CADM2: variants seen among roughly 807,000 people sequenced by gnomAD.
CADM2 encodes cell adhesion molecule 2.
A neutral mutation model predicts 49.8 loss-of-function variants in CADM2; 12 were observed. The ratio of observed to expected loss-of-function variants is 0.24; its 90% CI spans 0.15 to 0.39. The LOEUF (loss-of-function observed/expected upper bound fraction) is 0.39, where lower values mean the gene tolerates loss of function less well. Ranked by LOEUF, CADM2 falls within the 10% of genes least tolerant of loss-of-function variation. CADM2 has a pLI of 1.00. For missense variants in CADM2, 378 were observed against 492.3 expected, an observed-to-expected ratio of 0.77 and a Z score of 2.20; for synonymous variants, 214 against 175.4, an observed-to-expected ratio of 1.22 and a Z score of -1.74.
chr3:85,497,349 C>G (rs2039947289), intron 1 of CADM2, among the ~76,000 whole-genome samples: 2 of 152,048 alleles, frequency 1.3e-5, no homozygotes, highest in South Asian at 4.1e-4. Flanking sequence ...GATCTTTCTC[C>G]ATTTCTTTAC....
chr3:85,464,330 A>G (rs1293764567), intron 1 of CADM2, among the ~76,000 whole-genome samples: 1 of 152,050 alleles, frequency 6.6e-6, no homozygotes, highest in Non-Finnish European at 1.5e-5. Flanking sequence ...ACCATCTTGA[A>G]CTCTTTGCTT....
At chr3:85,315,158 G>C (rs1353205964) in intron 1 of CADM2, among the ~76,000 whole-genome samples, 1 of 152,068 alleles carries the variant, frequency 6.6e-6, no homozygotes. Flanking sequence ...TGTTCTTCCA[G>C]GCCGAGTGAA....
intron 1 of CADM2, among the ~76,000 whole-genome samples, chr3:85,478,123 G>T (rs7624108): frequency 0.31 from 46,548 of 151,584 alleles, 8,129 homozygotes; most frequent in East Asian, 0.53. Flanking sequence ...TAAACCTTAC[G>T]TATATCAGTT....
At chr3:85,450,335 T>G (rs1475515373) in intron 1 of CADM2, among the ~76,000 whole-genome samples, 1 of 152,116 alleles carries the variant, frequency 6.6e-6, no homozygotes, top group East Asian at 1.9e-4. Context: ...AAAGTTTATT[T>G]ATTTCCATCT....
intron 1 of CADM2, among the ~76,000 whole-genome samples, chr3:85,035,129 T>C (rs1559627875): frequency 6.6e-6 from 1 of 152,040 alleles, no homozygotes; most frequent in Non-Finnish European, 1.5e-5. Context: ...TAAGGTAAAA[T>C]GGTATCTCGC....
chr3:85,276,222 G>A (rs572171279), intron 1 of CADM2, among the ~76,000 whole-genome samples: 4 of 151,186 alleles, frequency 2.6e-5, no homozygotes, highest in South Asian at 4.1e-4. Flanking sequence ...CTCAATATTC[G>A]ATTAACCTTG....
intron 1 of CADM2, among the ~76,000 whole-genome samples, chr3:85,654,296 A>G (rs1174598362): frequency 6.6e-6 from 1 of 152,244 alleles, no homozygotes; most frequent in Non-Finnish European, 1.5e-5. Context: ...ATGATATAAT[A>G]GTAAAAAGTT....
intron 1 of CADM2, among the ~76,000 whole-genome samples, chr3:85,509,924 C>T (rs1219604936): frequency 6.6e-6 from 1 of 151,924 alleles, no homozygotes; most frequent in African/African-American, 2.4e-5. Flanking sequence ...ATTAAAATCT[C>T]ACAGAGTGCC....
intron 7 of CADM2, among the ~76,000 whole-genome samples, chr3:85,956,154 A>G (rs1007927266): frequency 6.6e-6 from 1 of 151,518 alleles, no homozygotes; most frequent in Non-Finnish European, 1.5e-5. Context: ...TGCTATTTTC[A>G]CTGTCCTGTT....
At chr3:85,661,989 T>C (rs2065423020) in intron 1 of CADM2, among the ~76,000 whole-genome samples, 1 of 152,058 alleles carries the variant, frequency 6.6e-6, no homozygotes, top group African/African-American at 2.4e-5. Context: ...TAATTATTCA[T>C]TGTATCTGCC....
intron 8 of CADM2, among the ~76,000 whole-genome samples, chr3:86,034,502 G>C (rs1482993085): frequency 6.6e-6 from 1 of 151,958 alleles, no homozygotes; most frequent in African/African-American, 2.4e-5. Context: ...CTTGTTCTTG[G>C]ACTTTGCAGC....
At chr3:85,352,345 A>G (rs976010084) in intron 1 of CADM2, among the ~76,000 whole-genome samples, 6 of 152,162 alleles carry the variant, frequency 3.9e-5, no homozygotes, top group African/African-American at 1.4e-4. Context: ...TAACTTTAGG[A>G]GGACTATCTT....
chr3:85,803,788 A>G (rs2072225777), intron 3 of CADM2, among the ~76,000 whole-genome samples: 1 of 152,142 alleles, frequency 6.6e-6, no homozygotes, highest in African/African-American at 2.4e-5. Context: ...CTCAAAGTCT[A>G]CTATTTTAAA....
intron 5 of CADM2, among the ~76,000 whole-genome samples, chr3:85,893,392 C>T (rs977001269): frequency 6.6e-6 from 1 of 152,042 alleles, no homozygotes; most frequent in Admixed American, 6.6e-5. Context: ...CCATAAAAAC[C>T]CTAGAAGAAA....
At chr3:85,052,013 C>A (rs2035900335) in intron 1 of CADM2, among the ~76,000 whole-genome samples, 1 of 152,060 alleles carries the variant, frequency 6.6e-6, no homozygotes, top group African/African-American at 2.4e-5. Context: ...TAAACCAAAT[C>A]TGGAATTTCA....
intron 1 of CADM2, among the ~76,000 whole-genome samples, chr3:85,020,607 C>G (rs529092441): frequency 6.6e-6 from 1 of 152,192 alleles, no homozygotes; most frequent in South Asian, 2.1e-4. Flanking sequence ...AGCAAAACAT[C>G]CTTTATTTAA....
At position 85,210,855 on chromosome 3, in the gene CADM2, G is replaced by A. The variant is rs561583594; in HGVS notation, c.61+251187G>A. 4.0e-4 allele frequency among the ~76,000 whole-genome samples: 61 copies of A among 152,260 alleles called. 1 individual carries two copies. The highest frequency in any genetic ancestry group is 7.4e-5 in the Non-Finnish European group (5 of 68,014). Reference sequence around the variant, plus strand: ...CACACCAGCCAGAATAGTTTGAGTAGTATTGATGTTACTTCATTAAATGTT... The same window carrying A: ...CACACCAGCCAGAATAGTTTGAGTAATATTGATGTTACTTCATTAAATGTT... On this transcript the variant is annotated intron_variant, in intron 1 of 9. Transcript: ENST00000383699.
In CADM2 at chr3:85,078,574, A is replaced by G. The variant is rs534773516; in HGVS notation, c.61+118906A>G. The stretch of plus-strand genomic sequence containing the variant: ...GAAATAAAGACATTCATATGCAGAT[A>G]TCTTATCTGCACAAAGCCCAGAAAC... On this transcript the variant is annotated intron_variant, in intron 1 of 9. Transcript: ENST00000383699. Among the ~76,000 whole-genome samples the G allele has an allele frequency of 9.2e-5, 14 of 152,074 alleles. No individual in the cohort carries two copies. In the South Asian group the frequency reaches 2.7e-3, roughly 29 times the overall value.
chr3:86,056,223 A>G (rs561160523), intron 8 of CADM2, among the ~76,000 whole-genome samples: 1 of 152,174 alleles, frequency 6.6e-6, no homozygotes, highest in Admixed American at 6.6e-5. Context: ...TAATAGCTGC[A>G]CTGCTCTGCT....
Sources: allele counts gnomAD v4.1 joint callset (sites outside exome capture counted in the v4.1 genomes callset), GRCh38; gene constraint gnomAD v4.1.1; transcripts MANE v1.5; gene names NCBI Gene and HGNC (gene_info 2026-07-23, HGNC 2026-07-21).